PLPPR1: variants seen among roughly 807,000 people sequenced by gnomAD.
PLPPR1 encodes phospholipid phosphatase related 1.
In PLPPR1, 10 loss-of-function variants were observed where a neutral mutation model predicts 33.1. The observed-to-expected ratio is 0.30, with a 90% CI of 0.19 to 0.51. PLPPR1 has a LOEUF of 0.51. PLPPR1 is among the 20% of genes least tolerant of loss of function. The probability of loss-of-function intolerance (pLI) is 0.97; values close to 1 mark genes in which losing one functional copy is unlikely to be tolerated. For missense variants in PLPPR1, 304 were observed against 408.1 expected (o/e 0.74, Z 2.20); for synonymous variants, 151 against 151.0 (o/e 1.00, Z 0.00).
intron 1 of PLPPR1, among the ~76,000 whole-genome samples, chr9:101,120,831 TC>T (rs1831170894): frequency 6.6e-6 from 1 of 152,216 alleles, no homozygotes; most frequent in African/African-American, 2.4e-5. Flanking sequence ...AGTGACTTTT[TC>T]TTCCTATTAC....
intron 1 of PLPPR1, among the ~76,000 whole-genome samples, chr9:101,065,107 C>G (rs1307773861): frequency 1.3e-5 from 2 of 152,020 alleles, no homozygotes; most frequent in African/African-American, 2.4e-5. Flanking sequence ...ACTGTCATAT[C>G]AACCAGGAGG....
At chr9:101,262,717 C>T (rs1449958158) in intron 2 of PLPPR1, among the ~76,000 whole-genome samples, 2 of 152,146 alleles carry the variant, frequency 1.3e-5, no homozygotes, top group Non-Finnish European at 1.5e-5. Context: ...ATGTTTATTG[C>T]AGCACTGTTC....
intron 2 of PLPPR1, among the ~76,000 whole-genome samples, chr9:101,201,694 G>A (rs968599493): frequency 2.0e-5 from 3 of 152,166 alleles, no homozygotes; most frequent in Non-Finnish European, 2.9e-5. Context: ...TCCAGCTAGA[G>A]CAAATATGAA....
At chr9:101,226,407 A>G (rs1827069495) in intron 2 of PLPPR1, among the ~76,000 whole-genome samples, 1 of 152,136 alleles carries the variant, frequency 6.6e-6, no homozygotes, top group Non-Finnish European at 1.5e-5. Flanking sequence ...TTGTTGTCAT[A>G]GGCTGTTTGT....
chr9:101,210,584 G>T (rs1826672582), intron 2 of PLPPR1, among the ~76,000 whole-genome samples: 1 of 152,110 alleles, frequency 6.6e-6, no homozygotes, highest in Non-Finnish European at 1.5e-5. Context: ...GAATATGATG[G>T]ATTTGACACA....
At chr9:101,237,638 T>C (rs1827330749) in intron 2 of PLPPR1, among the ~76,000 whole-genome samples, 1 of 130,372 alleles carries the variant, frequency 7.7e-6, no homozygotes, top group Admixed American at 8.4e-5. Context: ...TGCATATATA[T>C]ATATACACAC....
At chr9:101,147,360 T>G (rs1051630757) in intron 1 of PLPPR1, among the ~76,000 whole-genome samples, 8 of 152,228 alleles carry the variant, frequency 5.3e-5, no homozygotes, top group Admixed American at 2.6e-4. Context: ...CACCTATTTC[T>G]TCATAATATT....
chr9:101,239,057 TTGAG>T (rs1827395594), intron 2 of PLPPR1, among the ~76,000 whole-genome samples: 1 of 96,094 alleles, frequency 1.0e-5, no homozygotes, highest in African/African-American at 3.6e-5. Flanking sequence ...CTGAATTTCA[TTGAG>T]TGTGTGTGTG....
chr9:101,265,658 G>A (rs544614857), intron 2 of PLPPR1, among the ~76,000 whole-genome samples: 3 of 152,308 alleles, frequency 2.0e-5, no homozygotes, highest in Admixed American at 1.3e-4. Flanking sequence ...ATCAATGTGT[G>A]TTGTTTCTGT....
chr9:101,288,957 G>C (rs1009620733), intron 4 of PLPPR1, among the ~76,000 whole-genome samples: 1 of 152,138 alleles, frequency 6.6e-6, no homozygotes, highest in African/African-American at 2.4e-5. Flanking sequence ...TCAATTCTCT[G>C]CTTAAAACCT....
In PLPPR1 at chr9:101,062,769, A is replaced by T. The variant is rs142682166; in HGVS notation, c.-46+33667A>T. Among the ~76,000 whole-genome samples the T allele has an allele frequency of 2.6e-3, 388 of 152,040 alleles. 1 individual carries two copies. The highest frequency in any genetic ancestry group is 8.7e-3 in the African/African-American group (361 of 41,562). ...ATAGATAACAATTATAAGGTAAGGC[A>T]AAAATAATAGGCTCTATGTTATCAT... On this transcript the variant is annotated intron_variant, in intron 1 of 7. Coordinates refer to ENST00000374874, the MANE Select transcript of PLPPR1 (RefSeq NM_207299.2).
chr9:101,318,766 C>T (rs1829101031), intron 7 of PLPPR1, among the ~76,000 whole-genome samples: 1 of 133,818 alleles, frequency 7.5e-6, no homozygotes, highest in Non-Finnish European at 1.6e-5. Context: ...AGAGTGAGAC[C>T]CTATCTCAAA....
At chr9:101,217,623 A>G (rs932100780) in intron 2 of PLPPR1, among the ~76,000 whole-genome samples, 6 of 152,220 alleles carry the variant, frequency 3.9e-5, no homozygotes, top group Non-Finnish European at 8.8e-5. Flanking sequence ...AAGCAGCCAT[A>G]CATAATACAT....
intron 1 of PLPPR1, among the ~76,000 whole-genome samples, chr9:101,140,850 T>C (rs1564155968): frequency 6.6e-6 from 1 of 152,102 alleles, no homozygotes; most frequent in Non-Finnish European, 1.5e-5. Flanking sequence ...AGTACAGTAC[T>C]AGGATGATAA....
chr9:101,113,040 A>C (rs1046512432), intron 1 of PLPPR1, among the ~76,000 whole-genome samples: 2 of 152,188 alleles, frequency 1.3e-5, no homozygotes, highest in African/African-American at 4.8e-5. Context: ...AGATGCTTCT[A>C]ATTATCTATT....
Position 101,030,748 on chromosome 9 carries a change from C to T in PLPPR1, c.-46+1646C>T, listed in dbSNP as rs375607036. Among the ~76,000 whole-genome samples, 122 of 152,142 alleles carry T rather than the reference C, an allele frequency of 8.0e-4. 2 individuals are homozygous for T. In the South Asian group the frequency reaches 0.024, roughly 30 times the overall value. ...TCCTCACGGGTGGGGGTGAGGGCTT[C>T]TCTTCACTTTGAGATGACAGGTTGG... On this transcript the variant is annotated intron_variant, in intron 1 of 7. Transcript: ENST00000374874.
intron 1 of PLPPR1, among the ~76,000 whole-genome samples, chr9:101,165,360 A>T (rs961236765): frequency 2.6e-5 from 4 of 152,168 alleles, no homozygotes; most frequent in Admixed American, 2.6e-4. Context: ...GACTGTTATG[A>T]ATGATTGACT....
chr9:101,244,666 A>G (rs1827551088), intron 2 of PLPPR1, among the ~76,000 whole-genome samples: 1 of 151,992 alleles, frequency 6.6e-6, no homozygotes, highest in South Asian at 2.1e-4. Flanking sequence ...TTTGGAGATA[A>G]TCTTTTTTCT....
chr9:101,152,086 C>T (rs1241523605), intron 1 of PLPPR1, among the ~76,000 whole-genome samples: 1 of 152,182 alleles, frequency 6.6e-6, no homozygotes, highest in Non-Finnish European at 1.5e-5. Flanking sequence ...TAATGATCGC[C>T]ATTCTAACTG....
Sources: allele counts gnomAD v4.1 joint callset (sites outside exome capture counted in the v4.1 genomes callset), GRCh38; gene constraint gnomAD v4.1.1; transcripts MANE v1.5; gene names NCBI Gene and HGNC (gene_info 2026-07-23, HGNC 2026-07-21).